Variants in UGT3A1 observed in about 807,000 individuals in gnomAD.
UGT3A1 encodes the protein UDP glycosyltransferase family 3 member A1.
In UGT3A1, 40 loss-of-function variants were observed where a neutral mutation model predicts 37.6. The ratio of observed to expected loss-of-function variants is 1.06; its 90% CI spans 0.83 to 1.38. The LOEUF (loss-of-function observed/expected upper bound fraction) is 1.38, where lower values mean the gene tolerates loss of function less well. Ranked by LOEUF, UGT3A1 falls within the 40% of genes most tolerant of loss-of-function variation. UGT3A1 has a pLI of 0.00. For synonymous variants in UGT3A1, 256 were observed against 232.3 expected, an observed-to-expected ratio of 1.10 and a Z score of -0.93; for missense variants, 642 against 634.2, an observed-to-expected ratio of 1.01 and a Z score of -0.13.
intron 2 of UGT3A1, among the ~76,000 whole-genome samples, chr5:35,971,298 C>T (rs985115569): frequency 1.3e-5 from 2 of 152,072 alleles, no homozygotes; most frequent in Non-Finnish European, 1.5e-5. Context: ...TGTGCCATTG[C>T]CACACACAAA....
In UGT3A1 at chr5:35,954,294, C is replaced by T. The variant is rs755225814; in HGVS notation, c.1480G>A (p.Gly494Arg). 2 of 1,614,156 alleles carry T rather than the reference C, an allele frequency of 1.2e-6. No homozygotes were observed. The highest frequency in any genetic ancestry group is 1.7e-6 in the Non-Finnish European group (2 of 1,180,020). The change falls in exon 7 of 7, where the codon GGG becomes AGG. Residue 494 changes from glycine (G) to arginine (R), a missense_variant. Coordinates refer to ENST00000274278, the MANE Select transcript of UGT3A1 (RefSeq NM_152404.4). ...AGCCACATAGTGCCCAGAGTGAGCCCCAGCAGAAACACAAAGACATCAATG... is the reference window on the plus strand; with the variant it reads ...AGCCACATAGTGCCCAGAGTGAGCCTCAGCAGAAACACAAAGACATCAATG... ...YLIDVFVFLL[G>R]LTLGTMWLCG...
upstream of UGT3A1, among the ~76,000 whole-genome samples, chr5:35,992,364 TCACA>T (rs146558910): frequency 1.5e-4 from 22 of 150,066 alleles, no homozygotes; most frequent in East Asian, 4.3e-3. Context: ...ACACATACAC[TCACA>T]CACACACACA....
chr5:35,959,835 C>T (rs1739507564), intron 4 of UGT3A1, among the ~76,000 whole-genome samples: 2 of 151,904 alleles, frequency 1.3e-5, no homozygotes, highest in Admixed American at 1.3e-4. Flanking sequence ...TCTATTAGAA[C>T]TAATAAACAA....
upstream of UGT3A1, among the ~76,000 whole-genome samples, chr5:35,995,401 T>C (rs1033007885): frequency 6.6e-6 from 1 of 152,188 alleles, no homozygotes; most frequent in Non-Finnish European, 1.5e-5. Flanking sequence ...AGGTAAGGGA[T>C]CCCTGCCAAT....
At chr5:36,000,496 G>A (rs912616062) in intron 1 of UGT3A1, among the ~76,000 whole-genome samples, 2 of 152,168 alleles carry the variant, frequency 1.3e-5, no homozygotes, top group African/African-American at 2.4e-5. Flanking sequence ...TCCATGTGCT[G>A]CAAAATTAGA....
At chr5:35,955,150 C>T (rs1255679753) in intron 6 of UGT3A1, 1 of 178,766 alleles carries the variant, frequency 5.6e-6, no homozygotes, top group African/African-American at 2.4e-5. Flanking sequence ...TATGATTAGG[C>T]TGAGTGGGAG....
intron 2 of UGT3A1, among the ~76,000 whole-genome samples, chr5:35,968,587 A>C (rs1431726738): frequency 6.6e-6 from 1 of 152,188 alleles, no homozygotes; most frequent in East Asian, 1.9e-4. Context: ...ATAGGTTTTT[A>C]TTCAGTCAAA....
At chr5:35,962,846 G>A (rs1473852816) in intron 4 of UGT3A1, 1 of 702,330 alleles carries the variant, frequency 1.4e-6, no homozygotes, top group Non-Finnish European at 2.6e-6. Flanking sequence ...CACAGGCTAG[G>A]AGGTGTTTTT....
At chr5:35,994,333 TTGTGTGTGTGTGTG>T (rs35026618), upstream of UGT3A1, among the ~76,000 whole-genome samples, 6 of 138,554 alleles carry the variant, frequency 4.3e-5, no homozygotes, top group Admixed American at 7.4e-5. Flanking sequence ...TTTGTTTTGT[TTGTGTGTGTGTGTG>T]TGTGTGTGTG....
upstream of UGT3A1, among the ~76,000 whole-genome samples, chr5:35,992,906 T>C (rs1328027073): frequency 6.6e-6 from 1 of 152,128 alleles, no homozygotes; most frequent in Non-Finnish European, 1.5e-5. Context: ...AACCTGCGTC[T>C]CCCTTTTGGT....
intron 2 of UGT3A1, among the ~76,000 whole-genome samples, chr5:35,985,182 A>G (rs1740683894): frequency 1.3e-5 from 2 of 151,850 alleles, no homozygotes; most frequent in South Asian, 4.1e-4. Context: ...ATGGAAAACT[A>G]TAAAACTCCA....
At chr5:35,994,329 T>TTCTTTGTGTGTG (rs3219508), upstream of UGT3A1, among the ~76,000 whole-genome samples, 5 of 89,524 alleles carry the variant, frequency 5.6e-5, no homozygotes, top group African/African-American at 1.8e-4. Flanking sequence ...TTGTTTTGTT[T>TTCTTTGTGTGTG]TGTTTGTGTG....
At chr5:35,978,368 G>C (rs1187472585) in intron 2 of UGT3A1, among the ~76,000 whole-genome samples, 3 of 152,064 alleles carry the variant, frequency 2.0e-5, no homozygotes, top group African/African-American at 7.2e-5. Context: ...ATATACCCAA[G>C]ACTAGGTAAT....
intron 6 of UGT3A1, 45 bp from the exon 7 acceptor site, chr5:35,954,523 A>C: frequency 1.9e-6 from 3 of 1,598,262 alleles, no homozygotes; most frequent in Non-Finnish European, 2.6e-6. Context: ...GTAGCCTCAC[A>C]AGTCTTACAG....
At chr5:35,955,565 T>C (rs1246472661) in intron 6 of UGT3A1, 80 bp downstream of exon 6, 1 of 1,511,938 alleles carries the variant, frequency 6.6e-7, no homozygotes, top group Non-Finnish European at 9.1e-7. Flanking sequence ...GCTATTATTG[T>C]GAAAAATACA....
chr5:35,990,135 A>T (rs1167727956), intron 1 of UGT3A1, among the ~76,000 whole-genome samples: 1 of 151,998 alleles, frequency 6.6e-6, no homozygotes, highest in African/African-American at 2.4e-5. Flanking sequence ...TGAAAACGGC[A>T]TCAGAGCGGA....
At chr5:35,985,895 G>A (rs1029508507) in intron 2 of UGT3A1, among the ~76,000 whole-genome samples, 15 of 152,014 alleles carry the variant, frequency 9.9e-5, no homozygotes, top group Admixed American at 9.8e-4. Context: ...CACAGCAAAG[G>A]AAACAGTCAA....
intron 2 of UGT3A1, among the ~76,000 whole-genome samples, chr5:35,975,170 T>C (rs920150916): frequency 6.6e-6 from 1 of 152,218 alleles, no homozygotes. Context: ...ATTTGCCTAA[T>C]GGTTTCATAA....
At chr5:35,976,868 G>C (rs1580944562) in intron 2 of UGT3A1, among the ~76,000 whole-genome samples, 1 of 138,954 alleles carries the variant, frequency 7.2e-6, no homozygotes, top group South Asian at 2.5e-4. Context: ...AGGAAAGAAG[G>C]GACGGAGGGA....
Sources: allele counts gnomAD v4.1 joint callset (sites outside exome capture counted in the v4.1 genomes callset), GRCh38; gene constraint gnomAD v4.1.1; transcripts MANE v1.5; gene names NCBI Gene and HGNC (gene_info 2026-07-23, HGNC 2026-07-21).